SNX31: variants seen among roughly 807,000 people sequenced by gnomAD.
SNX31 encodes sorting nexin 31.
SNX31 carries 58 observed loss-of-function variants against 65.4 expected under a neutral mutation model. The ratio of observed to expected loss-of-function variants is 0.89; its 90% CI spans 0.72 to 1.10. The LOEUF (loss-of-function observed/expected upper bound fraction) is 1.10, where lower values mean the gene tolerates loss of function less well. SNX31 is among the 50% of genes least tolerant of loss of function. SNX31 has a pLI of 0.00. For missense variants in SNX31, 523 were observed against 529.7 expected (o/e 0.99, Z 0.12); for synonymous variants, 181 against 190.1 (o/e 0.95, Z 0.39).
At chr8:100,600,499 A>G (rs1171282744) in intron 8 of SNX31, 58 bp from the exon 9 acceptor site, 1 of 1,399,054 alleles carries the variant, frequency 7.1e-7, no homozygotes, top group Non-Finnish European at 1.0e-6. Flanking sequence ...TCAATCTGAC[A>G]AAAACATACT....
chr8:100,587,471 T>C (rs1814150430), intron 11 of SNX31, among the ~76,000 whole-genome samples: 1 of 152,242 alleles, frequency 6.6e-6, no homozygotes, highest in South Asian at 2.1e-4. Flanking sequence ...ATTCCAGTGA[T>C]GCTATTGTGC....
chr8:100,585,838 C>G (rs558230348), intron 11 of SNX31, among the ~76,000 whole-genome samples: 1 of 152,094 alleles, frequency 6.6e-6, no homozygotes, highest in Admixed American at 6.6e-5. Flanking sequence ...GGCCAGGACT[C>G]TGCTATAAAC....
At chr8:100,655,781 T>C (rs1820045202) in intron 1 of SNX31, among the ~76,000 whole-genome samples, 1 of 152,174 alleles carries the variant, frequency 6.6e-6, no homozygotes, top group South Asian at 2.1e-4. Flanking sequence ...TTGCAGCTGC[T>C]GGGCCAAGAA....
chr8:100,659,636 T>C (rs1037732473), intron 1 of SNX31, among the ~76,000 whole-genome samples: 4 of 151,986 alleles, frequency 2.6e-5, no homozygotes, highest in African/African-American at 7.3e-5. Flanking sequence ...GTAAAAGCAA[T>C]ATCCATCCAT....
At chr8:100,615,861 C>T (rs1038904804) in intron 5 of SNX31, among the ~76,000 whole-genome samples, 3 of 152,202 alleles carry the variant, frequency 2.0e-5, no homozygotes, top group South Asian at 2.1e-4. Context: ...GCTCCGCCTC[C>T]CGGGTTCACG....
At chr8:100,628,598 G>A (rs184749839) in intron 4 of SNX31, among the ~76,000 whole-genome samples, 2 of 152,052 alleles carry the variant, frequency 1.3e-5, no homozygotes, top group African/African-American at 4.8e-5. Flanking sequence ...TGTGGGGTGG[G>A]GGGAAGGGGG....
intron 10 of SNX31, among the ~76,000 whole-genome samples, chr8:100,593,891 CAA>C (rs34317835): frequency 0.25 from 38,283 of 152,004 alleles, 5,142 homozygotes; most frequent in Non-Finnish European, 0.29. Flanking sequence ...CAGGATTTAT[CAA>C]AGAGTTCTTG....
intron 1 of SNX31, among the ~76,000 whole-genome samples, chr8:100,659,432 A>G (rs190685240): frequency 1.3e-5 from 2 of 151,638 alleles, no homozygotes; most frequent in Admixed American, 1.3e-4. Flanking sequence ...GCACAGCAAG[A>G]CATTTCTGAG....
chr8:100,638,871 AAAATG>A (rs1316294590), intron 2 of SNX31, among the ~76,000 whole-genome samples: 1 of 152,238 alleles, frequency 6.6e-6, no homozygotes, highest in East Asian at 1.9e-4. Context: ...ATTCAGAAAT[AAAATG>A]AAATAAGATA....
At chr8:100,640,539 A>G (rs529010678) in intron 2 of SNX31, among the ~76,000 whole-genome samples, 1 of 152,340 alleles carries the variant, frequency 6.6e-6, no homozygotes, top group Admixed American at 6.5e-5. Flanking sequence ...GAAAGAGAGG[A>G]CAAAAGAGTA....
intron 12 of SNX31, 85 bp downstream of exon 12, chr8:100,584,026 G>T (rs1813795705): frequency 9.9e-6 from 12 of 1,216,962 alleles, no homozygotes; most frequent in Non-Finnish European, 1.4e-5. Flanking sequence ...CTGGCTCAGG[G>T]AGCTCATGAG....
chr8:100,618,344 T>C, intron 4 of SNX31: 1 of 1,535,036 alleles, frequency 6.5e-7, no homozygotes, highest in Non-Finnish European at 8.7e-7. Flanking sequence ...GTTTTCAGTA[T>C]TTCCAAGCAT....
chr8:100,597,391 G>A (rs1411639135), intron 9 of SNX31, among the ~76,000 whole-genome samples: 1 of 152,122 alleles, frequency 6.6e-6, no homozygotes, highest in African/African-American at 2.4e-5. Context: ...ACAGGCACGT[G>A]CCACCACACC....
At chr8:100,652,200 G>T (rs536778554), upstream of SNX31, among the ~76,000 whole-genome samples, 1 of 151,970 alleles carries the variant, frequency 6.6e-6, no homozygotes, top group Non-Finnish European at 1.5e-5. Flanking sequence ...GGATGGTCTC[G>T]ATCTCCTGAC....
At chr8:100,631,754 A>G (rs1818431868) in intron 3 of SNX31, among the ~76,000 whole-genome samples, 1 of 152,176 alleles carries the variant, frequency 6.6e-6, no homozygotes, top group Admixed American at 6.5e-5. Context: ...TATAAAAAGC[A>G]TTCTGTCTTT....
intron 8 of SNX31, 114 bp downstream of exon 8, chr8:100,608,380 T>C: frequency 1.1e-6 from 1 of 878,326 alleles, no homozygotes. Flanking sequence ...TCTATGAATG[T>C]GCCTGTTTTA....
At chr8:100,644,556 C>T (rs1043719307) in intron 2 of SNX31, among the ~76,000 whole-genome samples, 10 of 152,138 alleles carry the variant, frequency 6.6e-5, no homozygotes, top group African/African-American at 1.4e-4. Context: ...TGCCAGAGCC[C>T]GAGGGAGCCT....
intron 1 of SNX31, among the ~76,000 whole-genome samples, chr8:100,659,952 C>T (rs900746042): frequency 2.0e-5 from 3 of 151,896 alleles, no homozygotes; most frequent in Admixed American, 6.6e-5. Context: ...GATCTACTGA[C>T]ACCTCTACTG....
chr8:100,659,617 GT>G (rs112582153), intron 1 of SNX31, among the ~76,000 whole-genome samples: 5 of 151,752 alleles, frequency 3.3e-5, no homozygotes, highest in Non-Finnish European at 5.9e-5. Flanking sequence ...ATTTTTAAGT[GT>G]TTTTTTTGTA....
Sources: allele counts gnomAD v4.1 joint callset (sites outside exome capture counted in the v4.1 genomes callset), GRCh38; gene constraint gnomAD v4.1.1; transcripts MANE v1.5; gene names NCBI Gene and HGNC (gene_info 2026-07-23, HGNC 2026-07-21).